The following EMCN variants were observed in gnomAD, a reference collection of about 807,000 sequenced individuals.
EMCN encodes the protein endomucin.
Under a neutral mutation model 38.4 loss-of-function variants are expected in EMCN, and 37 were observed. That is an observed-to-expected ratio of 0.96 (90% CI 0.74 to 1.27). The LOEUF (loss-of-function observed/expected upper bound fraction) is 1.27. EMCN is among the 50% of genes most tolerant of loss of function. The pLI is 0.00. For synonymous variants in EMCN, 95 were observed against 100.8 expected, an observed-to-expected ratio of 0.94 and a Z score of 0.35; for missense variants, 318 against 302.8, an observed-to-expected ratio of 1.05 and a Z score of -0.37.
intron 1 of EMCN, among the ~76,000 whole-genome samples, chr4:100,481,016 C>T (rs1728791156): frequency 6.6e-6 from 1 of 151,952 alleles, no homozygotes; most frequent in Non-Finnish European, 1.5e-5. Context: ...TCTGGAAATA[C>T]AGTTTTATGT....
At chr4:100,456,214 C>CT (rs1728013008) in intron 4 of EMCN, among the ~76,000 whole-genome samples, 1 of 152,072 alleles carries the variant, frequency 6.6e-6, no homozygotes, top group Non-Finnish European at 1.5e-5. Flanking sequence ...TTTTTCTGGT[C>CT]TTTTTTCTCT....
At chr4:100,414,879 T>G (rs1726670246) in intron 10 of EMCN, among the ~76,000 whole-genome samples, 1 of 152,180 alleles carries the variant, frequency 6.6e-6, no homozygotes, top group South Asian at 2.1e-4. Flanking sequence ...GATATTTAAA[T>G]TAGACCCACA....
intron 4 of EMCN, among the ~76,000 whole-genome samples, chr4:100,455,637 T>C (rs964195164): frequency 2.0e-5 from 3 of 151,870 alleles, no homozygotes; most frequent in African/African-American, 7.2e-5. Context: ...TTTTTTTCAA[T>C]AGCTTCTTTC....
At chr4:100,447,118 C>A (rs1354263491) in intron 5 of EMCN, among the ~76,000 whole-genome samples, 1 of 152,158 alleles carries the variant, frequency 6.6e-6, no homozygotes, top group Admixed American at 6.6e-5. Flanking sequence ...GGAATGATAG[C>A]ATTTTAAATT....
At position 100,465,370 on chromosome 4, in the gene EMCN, T is replaced by C. The variant is rs558945611; in HGVS notation, c.376+53A>G. On this transcript the variant is annotated intron_variant, in intron 4 of 11. Coordinates refer to ENST00000296420, the MANE Select transcript of EMCN (RefSeq NM_016242.4). ...TGTATGCTGGAAAACATTCTGAAAC[T>C]AGTTTTATGCAACACACTAGTTTAA... The C allele has an allele frequency of 9.9e-5, 98 of 991,496 alleles. 1 individual carries two copies. In the South Asian group the frequency reaches 1.0e-3, roughly 11 times the overall value. The allele number at this position is 991,496 out of a possible 1,614,324, so 61.4% of individuals were successfully genotyped here. A position where few individuals can be genotyped will look rare whatever the true frequency, so the allele number is the denominator to read the frequency against.
chr4:100,479,210 G>T lies in EMCN; in HGVS notation c.187+707C>A, dbSNP rs188068754. On this transcript the variant is annotated intron_variant, in intron 2 of 11. Coordinates refer to ENST00000296420, the MANE Select transcript of EMCN (RefSeq NM_016242.4). The stretch of plus-strand genomic sequence containing the variant: ...TTCATCAAGATATATGATTTTCTGG[G>T]GTCTTTCTATGACCTTAGCATTCTA... Among the ~76,000 whole-genome samples the T allele has an allele frequency of 7.6e-3, 1,157 of 152,166 alleles. 2 individuals carry two copies. Among genetic ancestry groups the T allele is most frequent in the South Asian group, 0.012 (60 of 4,822 alleles).
intron 2 of EMCN, among the ~76,000 whole-genome samples, chr4:100,478,980 T>C (rs190723361): frequency 6.6e-6 from 1 of 152,162 alleles, no homozygotes; most frequent in East Asian, 1.9e-4. Context: ...CTAAAAATGG[T>C]TTGGTTTCAT....
chr4:100,409,215 A>ATTTATTTTAC (rs149547820), intron 11 of EMCN, among the ~76,000 whole-genome samples: 62 of 151,754 alleles, frequency 4.1e-4, no homozygotes, highest in African/African-American at 1.4e-3. Flanking sequence ...CTGGACACGT[A>ATTTATTTTAC]TTTATTTTAT....
intron 1 of EMCN, among the ~76,000 whole-genome samples, chr4:100,506,404 T>C (rs753762811): frequency 6.6e-5 from 10 of 152,140 alleles, no homozygotes; most frequent in Non-Finnish European, 1.5e-4. Flanking sequence ...AAATAGGTGA[T>C]GAGATTAACC....
intron 4 of EMCN, among the ~76,000 whole-genome samples, chr4:100,453,517 A>G (rs548791852): frequency 6.6e-5 from 10 of 152,332 alleles, no homozygotes; most frequent in African/African-American, 1.7e-4. Context: ...AAAAGCCAGG[A>G]AACAACAGGT....
At chr4:100,497,186 G>C (rs1729229440) in intron 1 of EMCN, among the ~76,000 whole-genome samples, 1 of 147,828 alleles carries the variant, frequency 6.8e-6, no homozygotes, top group African/African-American at 2.5e-5. Flanking sequence ...GGAAGTATAA[G>C]ACCTACAATA....
At chr4:100,495,556 A>G (rs755006749) in intron 1 of EMCN, among the ~76,000 whole-genome samples, 1 of 152,134 alleles carries the variant, frequency 6.6e-6, no homozygotes, top group Non-Finnish European at 1.5e-5. Context: ...AGACAAATTC[A>G]TGCCAGAACA....
At chr4:100,415,289 A>C (rs561568694) in intron 10 of EMCN, among the ~76,000 whole-genome samples, 1 of 152,346 alleles carries the variant, frequency 6.6e-6, no homozygotes, top group South Asian at 2.1e-4. Context: ...AGAAAGAAAA[A>C]TCCATGATTT....
intron 4 of EMCN, among the ~76,000 whole-genome samples, chr4:100,450,811 A>T (rs1373990930): frequency 1.3e-5 from 2 of 151,950 alleles, no homozygotes. Flanking sequence ...CAAAATAAAT[A>T]TTGAAGCTGG....
intron 2 of EMCN, among the ~76,000 whole-genome samples, chr4:100,475,568 A>G (rs991645958): frequency 2.0e-5 from 3 of 151,516 alleles, no homozygotes; most frequent in Admixed American, 2.0e-4. Flanking sequence ...TTCTAAATGA[A>G]CATACATCAT....
At chr4:100,450,552 T>C (rs1335842207) in intron 4 of EMCN, among the ~76,000 whole-genome samples, 2 of 151,940 alleles carry the variant, frequency 1.3e-5, no homozygotes, top group Non-Finnish European at 2.9e-5. Flanking sequence ...ATCTACTGAT[T>C]TGCTGTTGAA....
At chr4:100,473,350 C>T (rs1444988453) in intron 3 of EMCN, among the ~76,000 whole-genome samples, 12 of 109,524 alleles carry the variant, frequency 1.1e-4, no homozygotes, top group African/African-American at 3.7e-4. Flanking sequence ...TTCTAATGGG[C>T]ATTTCCCGTT....
chr4:100,461,551 G>A (rs1038950119), intron 4 of EMCN, among the ~76,000 whole-genome samples: 2 of 151,966 alleles, frequency 1.3e-5, no homozygotes, highest in African/African-American at 2.4e-5. Context: ...AAATAATAAA[G>A]TCAGAGCACT....
At chr4:100,498,511 A>C (rs564101987) in intron 1 of EMCN, among the ~76,000 whole-genome samples, 7 of 151,042 alleles carry the variant, frequency 4.6e-5, no homozygotes, top group Non-Finnish European at 1.0e-4. Flanking sequence ...TTTTAGACGG[A>C]GTCTCGCTCT....
Sources: gnomAD v4.1 joint callset for allele counts (sites outside exome capture counted in the v4.1 genomes callset) on GRCh38, gnomAD v4.1.1 for gene constraint, MANE v1.5 for transcripts, NCBI Gene and HGNC (gene_info 2026-07-23, HGNC 2026-07-21) for gene names.